The following FBN1 variants were observed in gnomAD, a reference collection of about 807,000 sequenced individuals.
FBN1 encodes fibrillin-1.
A neutral mutation model predicts 365.1 loss-of-function variants in FBN1; 29 were observed. The ratio of observed to expected loss-of-function variants is 0.08; its 90% confidence interval spans 0.06 to 0.11. The LOEUF (loss-of-function observed/expected upper bound fraction) is 0.11. Ranked by LOEUF, FBN1 falls within the 10% of genes least tolerant of loss-of-function variation. The pLI is 1.00. For synonymous variants in FBN1, 1,210 were observed against 1,270.5 expected, an observed-to-expected ratio of 0.95 and a Z score of 1.01; for missense variants, 2,476 against 3,703.2, an observed-to-expected ratio of 0.67 and a Z score of 8.60.
chr15:48,547,699 T>A (rs1235457606), intron 6 of FBN1, among the ~76,000 whole-genome samples: 2 of 149,894 alleles, frequency 1.3e-5, no homozygotes, highest in Non-Finnish European at 3.0e-5. Context: ...GGTATATAGG[T>A]TGTTTGTATA....
At chr15:48,545,275 T>A (rs2044086172) in intron 6 of FBN1, among the ~76,000 whole-genome samples, 1 of 152,186 alleles carries the variant, frequency 6.6e-6, no homozygotes, top group African/African-American at 2.4e-5. Context: ...AAGTACCTTG[T>A]AATATTGTTT....
intron 34 of FBN1, among the ~76,000 whole-genome samples, chr15:48,473,476 T>C (rs1213925738): frequency 6.6e-6 from 1 of 152,224 alleles, no homozygotes; most frequent in Non-Finnish European, 1.5e-5. Context: ...ATATGTATAA[T>C]TTATGTAATG....
At chr15:48,643,935 T>C (rs1296786348) in intron 2 of FBN1, 2 of 152,252 alleles carry the variant, frequency 1.3e-5, no homozygotes, top group African/African-American at 4.8e-5. Context: ...GTCAGTTGCA[T>C]GTACACAACA....
At chr15:48,514,919 T>C (rs1342262234) in intron 12 of FBN1, among the ~76,000 whole-genome samples, 1 of 152,152 alleles carries the variant, frequency 6.6e-6, no homozygotes, top group African/African-American at 2.4e-5. Context: ...AGAATTAAAG[T>C]TGTAGATGGA....
intron 57 of FBN1, 68 bp from the exon 58 acceptor site, chr15:48,427,841 T>C (rs1360095778): frequency 1.3e-6 from 2 of 1,503,676 alleles, no homozygotes; most frequent in Non-Finnish European, 1.8e-6. Context: ...TATTAAAAAT[T>C]TGGTCAGATA....
chr15:48,472,994 T>C (rs1462267084), intron 34 of FBN1, among the ~76,000 whole-genome samples: 1 of 152,182 alleles, frequency 6.6e-6, no homozygotes, highest in Non-Finnish European at 1.5e-5. Flanking sequence ...CATGTTTGTG[T>C]CTATTTCTCA....
intron 44 of FBN1, among the ~76,000 whole-genome samples, chr15:48,454,297 G>A (rs1040537670): frequency 6.6e-6 from 1 of 152,082 alleles, no homozygotes; most frequent in Non-Finnish European, 1.5e-5. Flanking sequence ...CTACCACAAG[G>A]CAATCAAATC....
At chr15:48,465,938 T>C in intron 38 of FBN1, 80 bp from the exon 39 acceptor site, 1 of 921,396 alleles carries the variant, frequency 1.1e-6, no homozygotes, top group Non-Finnish European at 1.8e-6. Flanking sequence ...AATACTCACA[T>C]ATCCAACTGA....
chr15:48,574,590 C>T (rs1191001229), intron 6 of FBN1, among the ~76,000 whole-genome samples: 2 of 151,766 alleles, frequency 1.3e-5, no homozygotes, highest in African/African-American at 4.8e-5. Flanking sequence ...ATATTAAGCA[C>T]CTACTTTGTA....
At chr15:48,535,020 G>A (rs975850202) in intron 7 of FBN1, among the ~76,000 whole-genome samples, 2 of 152,080 alleles carry the variant, frequency 1.3e-5, no homozygotes, top group Non-Finnish European at 2.9e-5. Context: ...CCACCACACT[G>A]GATTCCTCAA....
At position 48,490,075 on chromosome 15, in the gene FBN1, A is replaced by T; in HGVS notation, c.2858T>A (p.Ile953Asn). 1 of 1,614,100 alleles carries T rather than the reference A, an allele frequency of 6.2e-7. No individual in the cohort carries two copies. Residue 953 changes from isoleucine to asparagine, a missense_variant, in exon 25 of 66, where the codon ATC (isoleucine) becomes AAC (asparagine). By Grantham distance (149) the Ile-to-Asn change is moderately radical. Coordinates refer to ENST00000316623, the MANE Select transcript of FBN1 (RefSeq NM_000138.5). Reference sequence around the variant, plus strand: ...CCTCAGGAAGCAGGTTTCCAGGCGGATATCTGTCAGAGGGAATCAAGGGAG... The same window carrying T: ...CCTCAGGAAGCAGGTTTCCAGGCGGTTATCTGTCAGAGGGAATCAAGGGAG... ...LDATGRICLD[I>N]RLETCFLRYE...
rs1300109105 is a variant in FBN1, at chr15:48,409,478, G to A, written c.*1512C>T. On this transcript the variant is annotated 3_prime_UTR_variant, in exon 66 of 66. Coordinates refer to ENST00000316623, the MANE Select transcript of FBN1 (RefSeq NM_000138.5). ...ACCACGAAATGCTTTCCTGCCCTTA[G>A]GGATTTAAAAAATTATTTCATATCG... The A allele has an allele frequency of 1.3e-5, 2 of 152,040 alleles. No individual in the cohort carries two copies. The highest frequency in any genetic ancestry group is 4.8e-5 in the African/African-American group (2 of 41,362). The allele number at this position is 152,040 out of a possible 1,614,324, so 9.4% of individuals were successfully genotyped here.
At position 48,445,476 on chromosome 15, in the gene FBN1, C is replaced by T. The variant is rs767097888; in HGVS notation, c.5817G>A (p.Gly1939=). Reference sequence around the variant, plus strand: ...TGCATTGGCCATTTCTGCAAAGATTCCCATTTCCACTTGCACATTCATCAA... The same window carrying T: ...TGCATTGGCCATTTCTGCAAAGATTTCCATTTCCACTTGCACATTCATCAA... ...IDVDECASGN[G]NLCRNGQCIN... The change falls in exon 48 of 66, where the codon GGG becomes GGA. Residue 1939 remains glycine, a synonymous_variant. Coordinates refer to ENST00000316623, the MANE Select transcript of FBN1 (RefSeq NM_000138.5). 7.4e-6 allele frequency: 12 copies of T among 1,612,762 alleles called. No homozygotes were observed. In the African/African-American group the frequency reaches 8.0e-5, roughly 11 times the overall value.
intron 15 of FBN1, among the ~76,000 whole-genome samples, chr15:48,508,335 G>A (rs2043728269): frequency 6.6e-6 from 1 of 152,176 alleles, no homozygotes; most frequent in South Asian, 2.1e-4. Context: ...TTATTTATTT[G>A]CTACATAGCT....
intron 60 of FBN1, among the ~76,000 whole-genome samples, chr15:48,422,286 G>A (rs1207787470): frequency 6.6e-6 from 1 of 152,164 alleles, no homozygotes; most frequent in Non-Finnish European, 1.5e-5. Flanking sequence ...AAAATATAAA[G>A]AGATCTTTAG....
At chr15:48,434,848 A>G (rs909211675) in intron 53 of FBN1, 135 bp from the exon 54 acceptor site, 1 of 1,060,854 alleles carries the variant, frequency 9.4e-7, no homozygotes, top group African/African-American at 1.6e-5. Context: ...TCCAGACTGC[A>G]GTGCTGTGGC....
intron 5 of FBN1, among the ~76,000 whole-genome samples, 188 bp downstream of exon 5, chr15:48,599,951 G>A (rs974782406): frequency 2.0e-5 from 3 of 152,158 alleles, no homozygotes; most frequent in Admixed American, 2.0e-4. Flanking sequence ...AACCAATCAA[G>A]GTTCCAATTG....
chr15:48,418,102 G>C (rs1054545930), intron 63 of FBN1, among the ~76,000 whole-genome samples: 1 of 152,188 alleles, frequency 6.6e-6, no homozygotes, highest in South Asian at 2.1e-4. Context: ...AAATTAGAGG[G>C]AGGAGAAATG....
chr15:48,615,288 T>A (rs1253210771), intron 2 of FBN1, among the ~76,000 whole-genome samples: 2 of 152,152 alleles, frequency 1.3e-5, no homozygotes, highest in Admixed American at 6.5e-5. Context: ...TTTTATTTTT[T>A]TTTTTTACTA....
Sources: allele counts gnomAD v4.1 joint callset (sites outside exome capture counted in the v4.1 genomes callset), GRCh38; gene constraint gnomAD v4.1.1; transcripts MANE v1.5; gene names NCBI Gene and HGNC (gene_info 2026-07-23, HGNC 2026-07-21).